Variants in TNNI3K observed in about 807,000 individuals in gnomAD.
TNNI3K encodes serine/threonine-protein kinase TNNI3K.
A neutral mutation model predicts 114.5 loss-of-function variants in TNNI3K; 140 were observed. The ratio of observed to expected loss-of-function variants is 1.22; its 90% CI spans 1.07 to 1.41. TNNI3K has a LOEUF of 1.41. Among genes scored for constraint, TNNI3K ranks in the 40% most tolerant of loss-of-function variants. The pLI is 0.00. For synonymous variants in TNNI3K, 347 were observed against 347.5 expected (o/e 1.00, Z 0.02); for missense variants, 1,125 against 1,007.6 (o/e 1.12, Z -1.58).
Position 74,340,187 on chromosome 1 carries a change from A to G in TNNI3K, c.683-2655A>G, listed in dbSNP as rs77573618. On this transcript the variant is annotated intron_variant, in intron 7 of 24. Coordinates refer to ENST00000326637, the MANE Select transcript of TNNI3K (RefSeq NM_015978.3). ...GGTCAATAAGCGGAAATAAAGAAGA[A>G]ACAGCACCCATTCACCCAATATTCA... is the stretch of plus-strand genomic sequence containing the variant. Among the ~76,000 whole-genome samples, 22 of 152,204 alleles carry G rather than the reference A, an allele frequency of 1.4e-4. No homozygotes were observed. The East Asian group carries it at 4.2e-3, about 29-fold the overall frequency.
chr1:74,467,874 GC>G (rs1010001204), intron 21 of TNNI3K, among the ~76,000 whole-genome samples: 1 of 152,016 alleles, frequency 6.6e-6, no homozygotes, highest in African/African-American at 2.4e-5. Context: ...TTTAACAAGC[GC>G]CCCAGGTGAT....
At chr1:74,316,790 C>G (rs999408399) in intron 5 of TNNI3K, among the ~76,000 whole-genome samples, 5 of 151,762 alleles carry the variant, frequency 3.3e-5, no homozygotes, top group Non-Finnish European at 7.4e-5. Context: ...CCTGGGTTCC[C>G]GCCATTCTCC....
intron 4 of TNNI3K, among the ~76,000 whole-genome samples, chr1:74,253,687 C>T (rs979771006): frequency 1.5e-4 from 23 of 152,202 alleles, no homozygotes; most frequent in Admixed American, 3.9e-4. Context: ...CTAGCTGGGC[C>T]GCAAGCCCCG....
intron 5 of TNNI3K, among the ~76,000 whole-genome samples, chr1:74,284,254 T>C (rs987329707): frequency 1.3e-5 from 2 of 152,180 alleles, no homozygotes; most frequent in Non-Finnish European, 2.9e-5. Context: ...ATAAACATCG[T>C]GTGAGTTGTT....
At chr1:74,498,716 T>G (rs1398939722) in intron 23 of TNNI3K, among the ~76,000 whole-genome samples, 6 of 152,140 alleles carry the variant, frequency 3.9e-5, no homozygotes, top group Non-Finnish European at 8.8e-5. Flanking sequence ...ATTCCACTAC[T>G]TTTCCAGTCT....
chr1:74,515,971 CT>C (rs973672686), intron 23 of TNNI3K, among the ~76,000 whole-genome samples: 4 of 152,106 alleles, frequency 2.6e-5, no homozygotes, highest in African/African-American at 9.7e-5. Context: ...AGGGACTTGC[CT>C]TTGCAGAAAA....
chr1:74,499,724 A>T (rs572477462), intron 23 of TNNI3K, among the ~76,000 whole-genome samples: 10 of 152,292 alleles, frequency 6.6e-5, no homozygotes, highest in African/African-American at 2.2e-4. Context: ...TTAAGCCTAT[A>T]GGTCAATATG....
In TNNI3K at chr1:74,380,364, C is replaced by T. The variant is rs570066126; in HGVS notation, c.1772+9972C>T. The stretch of plus-strand genomic sequence containing the variant: ...GGCAACAGGATTTCTTATTCCAGTG[C>T]GTTCTTGTGGTTGAAGTGGTTCACT... On this transcript the variant is annotated intron_variant, in intron 17 of 24. Coordinates refer to ENST00000326637, the MANE Select transcript of TNNI3K (RefSeq NM_015978.3). Among the ~76,000 whole-genome samples, 3 of 152,218 alleles carry T rather than the reference C, an allele frequency of 2.0e-5. No homozygotes were observed. In the East Asian group the frequency reaches 5.8e-4, roughly 30 times the overall value.
At chr1:74,522,456 A>C (rs770940602) in intron 23 of TNNI3K, among the ~76,000 whole-genome samples, 1 of 152,186 alleles carries the variant, frequency 6.6e-6, no homozygotes, top group Non-Finnish European at 1.5e-5. Flanking sequence ...GTACACTTCC[A>C]GAATGGTGCT....
chr1:74,519,373 T>C (rs1646398503), intron 23 of TNNI3K, among the ~76,000 whole-genome samples: 1 of 118,696 alleles, frequency 8.4e-6, no homozygotes, highest in South Asian at 3.0e-4. Context: ...AGCAGCATGA[T>C]TTATACTCAT....
chr1:74,367,808 T>A (rs1662352742), intron 12 of TNNI3K, 100 bp from the exon 13 acceptor site: 8 of 1,148,768 alleles, frequency 7.0e-6, no homozygotes, highest in Admixed American at 2.7e-5. Context: ...AAGCGATAGT[T>A]TTACTTCGTT....
At chr1:74,472,266 G>T in intron 21 of TNNI3K, 1 of 698,448 alleles carries the variant, frequency 1.4e-6, no homozygotes. Flanking sequence ...CCAAACAGAT[G>T]CGTAGAAACC....
chr1:74,329,683 C>T, intron 5 of TNNI3K, among the ~76,000 whole-genome samples: 1 of 152,008 alleles, frequency 6.6e-6, no homozygotes, highest in East Asian at 1.9e-4. Flanking sequence ...CACTCAGAAA[C>T]AAAGCTTGAG....
chr1:74,310,766 A>C (rs1327297996), intron 5 of TNNI3K, among the ~76,000 whole-genome samples: 1 of 152,198 alleles, frequency 6.6e-6, no homozygotes, highest in Non-Finnish European at 1.5e-5. Flanking sequence ...TTATTGTTTT[A>C]ATGTTTTTTA....
chr1:74,509,220 G>A (rs1670058497), intron 23 of TNNI3K, among the ~76,000 whole-genome samples: 2 of 152,112 alleles, frequency 1.3e-5, no homozygotes, highest in African/African-American at 4.8e-5. Flanking sequence ...ATTTGACAGT[G>A]TTGACCATTC....
chr1:74,528,710 G>A (rs1197238459), intron 23 of TNNI3K, among the ~76,000 whole-genome samples: 2 of 152,182 alleles, frequency 1.3e-5, no homozygotes, highest in African/African-American at 4.8e-5. Flanking sequence ...GTCTTAATGT[G>A]TTTACACACC....
At chr1:74,470,878 G>A (rs555064866) in intron 21 of TNNI3K, 3 of 400,698 alleles carry the variant, frequency 7.5e-6, no homozygotes, top group Admixed American at 8.8e-5. Context: ...TAACTCACTG[G>A]TCTTTGATAC....
chr1:74,341,495 A>G (rs950938678), intron 7 of TNNI3K: 6 of 151,890 alleles, frequency 4.0e-5, no homozygotes, highest in Admixed American at 6.6e-5. Context: ...TGGCTAATAC[A>G]TAGTGATCAC....
intron 2 of TNNI3K, chr1:74,240,506 A>C (rs1475599953): frequency 6.6e-6 from 1 of 152,230 alleles, no homozygotes; most frequent in Non-Finnish European, 1.5e-5. Context: ...GATTGCATCC[A>C]TCTTTATTTG....
Sources: gnomAD v4.1 joint callset for allele counts (sites outside exome capture counted in the v4.1 genomes callset) on GRCh38, gnomAD v4.1.1 for gene constraint, MANE v1.5 for transcripts, NCBI Gene and HGNC (gene_info 2026-07-23, HGNC 2026-07-21) for gene names.